The following AGBL4 variants were observed in gnomAD, a reference collection of about 807,000 sequenced individuals.
The protein encoded by AGBL4 is AGBL carboxypeptidase 4, also known as cytosolic carboxypeptidase 6.
Under a neutral mutation model 66.4 loss-of-function variants are expected in AGBL4, and 58 were observed. The ratio of observed to expected loss-of-function variants is 0.87; its 90% CI spans 0.71 to 1.09. The LOEUF is 1.09. Among genes scored for constraint, AGBL4 ranks in the 50% least tolerant of loss-of-function variants. The pLI is 0.00. For missense variants in AGBL4, 579 were observed against 631.0 expected, an observed-to-expected ratio of 0.92 and a Z score of 0.88; for synonymous variants, 234 against 222.9, an observed-to-expected ratio of 1.05 and a Z score of -0.44.
chr1:49,666,391 C>T (rs1267511945), intron 3 of AGBL4, among the ~76,000 whole-genome samples: 1 of 151,924 alleles, frequency 6.6e-6, no homozygotes, highest in Non-Finnish European at 1.5e-5. Flanking sequence ...CATGGTGAAA[C>T]CCTGTCTCTA....
At chr1:48,959,492 A>G (rs1249482766) in intron 5 of AGBL4, among the ~76,000 whole-genome samples, 1 of 152,222 alleles carries the variant, frequency 6.6e-6, no homozygotes, top group Admixed American at 6.5e-5. Flanking sequence ...AGAAGAAAAT[A>G]TCAATTAAAA....
intron 3 of AGBL4, among the ~76,000 whole-genome samples, chr1:49,252,323 G>T (rs957726733): frequency 1.3e-5 from 2 of 151,904 alleles, no homozygotes; most frequent in Non-Finnish European, 2.9e-5. Context: ...CCTGAAGACT[G>T]GCTTTCTGAA....
intron 3 of AGBL4, among the ~76,000 whole-genome samples, chr1:49,336,783 A>G (rs1645446279): frequency 6.6e-6 from 1 of 152,196 alleles, no homozygotes; most frequent in Non-Finnish European, 1.5e-5. Context: ...AGAAGTAATC[A>G]TGCTTGTCTT....
At chr1:49,907,423 C>A (rs1281168692) in intron 1 of AGBL4, among the ~76,000 whole-genome samples, 1 of 152,070 alleles carries the variant, frequency 6.6e-6, no homozygotes. Flanking sequence ...TTCATTACAT[C>A]AATTAACATG....
chr1:49,380,240 T>C (rs1644570214), intron 3 of AGBL4, among the ~76,000 whole-genome samples: 1 of 152,074 alleles, frequency 6.6e-6, no homozygotes, highest in Non-Finnish European at 1.5e-5. Flanking sequence ...ATGAGTGAAC[T>C]CCCATTCACA....
chr1:48,761,345 G>A (rs1372116831), intron 6 of AGBL4: 1 of 1,551,734 alleles, frequency 6.4e-7, no homozygotes, highest in Non-Finnish European at 8.7e-7. Flanking sequence ...ACCTTGATGT[G>A]TCTAAGCTGT....
chr1:48,646,824 G>A (rs559009342), intron 8 of AGBL4, among the ~76,000 whole-genome samples: 69 of 152,214 alleles, frequency 4.5e-4, no homozygotes, highest in African/African-American at 1.4e-3. Flanking sequence ...TCTACTTAAA[G>A]TAGGAGCATC....
intron 7 of AGBL4, among the ~76,000 whole-genome samples, chr1:48,654,524 G>A (rs920634050): frequency 1.3e-5 from 2 of 152,182 alleles, no homozygotes; most frequent in African/African-American, 2.4e-5. Flanking sequence ...AAAGTGATAG[G>A]AGAATGCAAA....
At chr1:49,727,227 T>C (rs890360820) in intron 2 of AGBL4, among the ~76,000 whole-genome samples, 2 of 152,124 alleles carry the variant, frequency 1.3e-5, no homozygotes, top group Non-Finnish European at 2.9e-5. Context: ...ATGTATGAAG[T>C]AAAATTTTTA....
chr1:48,665,137 C>T (rs1056853490), intron 6 of AGBL4, among the ~76,000 whole-genome samples: 3 of 152,170 alleles, frequency 2.0e-5, no homozygotes, highest in Non-Finnish European at 4.4e-5. Context: ...ACTGCTTCCC[C>T]TGAAAGGCAG....
chr1:49,357,308 G>T (rs1339682746), intron 3 of AGBL4, among the ~76,000 whole-genome samples: 1 of 152,060 alleles, frequency 6.6e-6, no homozygotes, highest in Non-Finnish European at 1.5e-5. Flanking sequence ...GCTATTGAGG[G>T]TAGCTTATCA....
chr1:49,547,433 G>C (rs1652581398), intron 3 of AGBL4, among the ~76,000 whole-genome samples: 1 of 152,156 alleles, frequency 6.6e-6, no homozygotes, highest in South Asian at 2.1e-4. Context: ...AAATCAGGTA[G>C]TGTGATGCTT....
chr1:48,761,167 C>A, intron 6 of AGBL4: 1 of 726,166 alleles, frequency 1.4e-6, no homozygotes, highest in Non-Finnish European at 2.2e-6. Flanking sequence ...AGTTGGCCAG[C>A]AAGGCAAATA....
At chr1:48,632,648 G>T (rs548278972) in intron 9 of AGBL4, among the ~76,000 whole-genome samples, 25 of 152,160 alleles carry the variant, frequency 1.6e-4, no homozygotes, top group African/African-American at 2.9e-4. Context: ...TAATTGTTTT[G>T]TATCTATAAA....
intron 2 of AGBL4, among the ~76,000 whole-genome samples, chr1:49,779,074 T>C (rs933655467): frequency 3.9e-5 from 6 of 152,010 alleles, no homozygotes; most frequent in Non-Finnish European, 8.8e-5. Context: ...ATTATATCAA[T>C]AGAAGCAGAC....
intron 1 of AGBL4, among the ~76,000 whole-genome samples, chr1:49,879,233 T>C (rs1346271156): frequency 1.4e-4 from 21 of 147,834 alleles, no homozygotes; most frequent in Non-Finnish European, 2.3e-4. Context: ...TGCTCATTAG[T>C]TGATGCAGTT....
chr1:49,215,443 G>A (rs1649009548), intron 4 of AGBL4, among the ~76,000 whole-genome samples: 1 of 151,988 alleles, frequency 6.6e-6, no homozygotes, highest in African/African-American at 2.4e-5. Context: ...TTTGCTGATT[G>A]ATTAGCAGTA....
chr1:48,859,286 C>T (rs982952114), intron 6 of AGBL4, among the ~76,000 whole-genome samples: 6 of 152,152 alleles, frequency 3.9e-5, no homozygotes, highest in African/African-American at 1.4e-4. Context: ...CTGGTCATTG[C>T]ATACATTGAG....
chr1:49,205,426 C>T (rs186166991), intron 4 of AGBL4, among the ~76,000 whole-genome samples: 2 of 152,148 alleles, frequency 1.3e-5, no homozygotes, highest in East Asian at 2.0e-4. Context: ...TCTGTAGAAA[C>T]TAAGTGTATG....
Sources: allele counts gnomAD v4.1 joint callset (sites outside exome capture counted in the v4.1 genomes callset), GRCh38; gene constraint gnomAD v4.1.1; transcripts MANE v1.5; gene names NCBI Gene and HGNC (gene_info 2026-07-23, HGNC 2026-07-21).